The following CORO2B variants were observed in gnomAD, a reference collection of about 807,000 sequenced individuals.
The protein encoded by CORO2B is coronin 2B.
CORO2B carries 26 observed loss-of-function variants against 58.8 expected under a neutral mutation model. That is an observed-to-expected ratio of 0.44 (90% confidence interval 0.32 to 0.61). The LOEUF is 0.61. CORO2B is among the 20% of genes least tolerant of loss of function. The probability of loss-of-function intolerance (pLI) is 0.04; values close to 1 mark genes in which losing one functional copy is unlikely to be tolerated. For synonymous variants in CORO2B, 242 were observed against 253.8 expected (o/e 0.95, Z 0.44); for missense variants, 460 against 645.1 (o/e 0.71, Z 3.11).
chr15:68,625,479 A>G (rs553748365), intron 1 of CORO2B, among the ~76,000 whole-genome samples: 1 of 151,970 alleles, frequency 6.6e-6, no homozygotes, highest in African/African-American at 2.4e-5. Context: ...CCTTGCCAGC[A>G]TTCATCCGTG....
chr15:68,577,609 T>C (rs1566976075), upstream of CORO2B, among the ~76,000 whole-genome samples: 1 of 151,076 alleles, frequency 6.6e-6, no homozygotes, highest in African/African-American at 2.4e-5. Context: ...TAGTCCCAGA[T>C]CCTCGGGGGG....
chr15:68,656,908 C>T (rs918418964), intron 2 of CORO2B, among the ~76,000 whole-genome samples: 3 of 152,162 alleles, frequency 2.0e-5, no homozygotes, highest in African/African-American at 7.2e-5. Context: ...GCAAACCTTT[C>T]AGTGCAAGTC....
chr15:68,594,241 G>C (rs570325493), intron 1 of CORO2B, among the ~76,000 whole-genome samples: 1 of 152,366 alleles, frequency 6.6e-6, no homozygotes, highest in Non-Finnish European at 1.5e-5. Context: ...GGTGGTGCCT[G>C]TCTGTGCAGG....
intron 2 of CORO2B, among the ~76,000 whole-genome samples, chr15:68,693,519 C>T (rs1230942689): frequency 6.6e-6 from 1 of 152,226 alleles, no homozygotes; most frequent in Non-Finnish European, 1.5e-5. Context: ...TGCCTCCTTT[C>T]CTCCAAACTC....
intron 2 of CORO2B, among the ~76,000 whole-genome samples, chr15:68,647,177 T>G (rs1901460940): frequency 6.6e-6 from 1 of 152,154 alleles, no homozygotes; most frequent in African/African-American, 2.4e-5. Flanking sequence ...TTTAAAATCA[T>G]GCAATGAAGA....
At chr15:68,611,070 C>G (rs4777075) in intron 1 of CORO2B, among the ~76,000 whole-genome samples, 25,691 of 152,172 alleles carry the variant, frequency 0.17, 2,503 homozygotes, top group African/African-American at 0.27. Context: ...AGTTCATCAA[C>G]ATGAGAAAAT....
intron 1 of CORO2B, among the ~76,000 whole-genome samples, chr15:68,625,767 G>A (rs905717902): frequency 1.3e-4 from 19 of 151,704 alleles, no homozygotes; most frequent in African/African-American, 4.6e-4. Flanking sequence ...ACCACACCCA[G>A]CTAACTTTTG....
At chr15:68,526,943 C>T in the CORO2B span, among the ~76,000 whole-genome samples, 1 of 152,130 alleles carries the variant, frequency 6.6e-6, no homozygotes, top group African/African-American at 2.4e-5. Flanking sequence ...TAAATGAGGT[C>T]ATAGGGTAGG....
chr15:68,569,985 T>C, the CORO2B span, among the ~76,000 whole-genome samples: 15 of 152,256 alleles, frequency 9.9e-5, no homozygotes, highest in Admixed American at 4.6e-4. Context: ...GTCAGTGGGG[T>C]CTGTGGCCTT....
chr15:68,564,277 G>A, the CORO2B span, among the ~76,000 whole-genome samples: 414 of 151,946 alleles, frequency 2.7e-3, no homozygotes, highest in Middle Eastern at 0.01. Flanking sequence ...TAATGTGATT[G>A]CTTGGAGAAT....
At chr15:68,708,741 A>ACATT (rs934609954) in intron 3 of CORO2B, among the ~76,000 whole-genome samples, 3 of 151,862 alleles carry the variant, frequency 2.0e-5, no homozygotes, top group Non-Finnish European at 2.9e-5. Flanking sequence ...GTGCAGTGGT[A>ACATT]CATTCATAGC....
intron 1 of CORO2B, chr15:68,632,252 A>T: frequency 1.0e-6 from 1 of 985,490 alleles, no homozygotes; most frequent in Non-Finnish European, 1.2e-6. Context: ...TCATGGTCTT[A>T]GCTGGCAGCC....
intron 2 of CORO2B, among the ~76,000 whole-genome samples, chr15:68,647,561 T>C (rs1426172644): frequency 1.3e-5 from 2 of 151,852 alleles, no homozygotes; most frequent in Admixed American, 6.6e-5. Context: ...TGGTGGCACA[T>C]GCCTGTAATT....
intron 2 of CORO2B, among the ~76,000 whole-genome samples, chr15:68,654,517 T>G (rs1192916577): frequency 1.3e-5 from 2 of 152,240 alleles, no homozygotes; most frequent in African/African-American, 4.8e-5. Context: ...TCTGGCAGTC[T>G]GCTTGATCTG....
At chr15:68,612,312 A>G (rs918749981) in intron 1 of CORO2B, among the ~76,000 whole-genome samples, 2 of 152,238 alleles carry the variant, frequency 1.3e-5, no homozygotes, top group African/African-American at 4.8e-5. Flanking sequence ...CTTTGTGTAT[A>G]GGCTTTGAAA....
the CORO2B span, among the ~76,000 whole-genome samples, chr15:68,573,006 T>C: frequency 1.3e-5 from 2 of 152,040 alleles, no homozygotes; most frequent in East Asian, 3.9e-4. Flanking sequence ...TACACACTCA[T>C]TCTCACATTC....
At chr15:68,647,436 T>C (rs1401726232) in intron 2 of CORO2B, among the ~76,000 whole-genome samples, 2 of 152,204 alleles carry the variant, frequency 1.3e-5, no homozygotes. Flanking sequence ...ACGTCTGTAA[T>C]CCTAGCACTT....
intron 1 of CORO2B, among the ~76,000 whole-genome samples, chr15:68,620,100 C>T (rs1366762348): frequency 6.6e-6 from 1 of 151,990 alleles, no homozygotes; most frequent in Non-Finnish European, 1.5e-5. Context: ...TTAGTAGAGA[C>T]GGGGTTTCAC....
At chr15:68,582,449 G>A (rs868744668) in intron 1 of CORO2B, among the ~76,000 whole-genome samples, 3 of 152,302 alleles carry the variant, frequency 2.0e-5, no homozygotes, top group South Asian at 4.1e-4. Context: ...AGCTCGGGGC[G>A]AGGGAGCCAA....
Sources: gnomAD v4.1 joint callset for allele counts (sites outside exome capture counted in the v4.1 genomes callset) on GRCh38, gnomAD v4.1.1 for gene constraint, MANE v1.5 for transcripts, NCBI Gene and HGNC (gene_info 2026-07-23, HGNC 2026-07-21) for gene names.